PRKG1: variants seen among roughly 807,000 people sequenced by gnomAD.
The protein encoded by PRKG1 is protein kinase cGMP-dependent 1, also known as cGMP-dependent protein kinase 1.
Under a neutral mutation model 88.1 loss-of-function variants are expected in PRKG1, and 35 were observed. That is an observed-to-expected ratio of 0.40 (90% CI 0.30 to 0.53). The LOEUF (loss-of-function observed/expected upper bound fraction) is 0.53. PRKG1 is among the 20% of genes least tolerant of loss of function. PRKG1 has a pLI of 0.59. For missense variants in PRKG1, 540 were observed against 839.8 expected (o/e 0.64, Z 4.41); for synonymous variants, 303 against 292.5 (o/e 1.04, Z -0.37).
chr10:51,430,581 C>T (rs548577487), intron 2 of PRKG1, among the ~76,000 whole-genome samples: 1 of 152,312 alleles, frequency 6.6e-6, no homozygotes, highest in Admixed American at 6.5e-5. Context: ...CCTGACTATA[C>T]TGTCCAGCAA....
chr10:51,638,411 C>T (rs1406580349), intron 3 of PRKG1, among the ~76,000 whole-genome samples: 3 of 152,242 alleles, frequency 2.0e-5, no homozygotes, highest in East Asian at 3.9e-4. Context: ...AGAAACGTAA[C>T]TTAGCTGCTC....
At chr10:51,743,778 T>G (rs1406435801) in intron 3 of PRKG1, among the ~76,000 whole-genome samples, 2 of 135,708 alleles carry the variant, frequency 1.5e-5, no homozygotes, top group African/African-American at 5.5e-5. Flanking sequence ...AGTTGCCTAT[T>G]TGGTATTACA....
At chr10:51,144,698 G>A (rs1024829726) in intron 1 of PRKG1, among the ~76,000 whole-genome samples, 107 of 152,288 alleles carry the variant, frequency 7.0e-4, no homozygotes, top group Non-Finnish European at 1.3e-3. Context: ...GACTGTAAAT[G>A]TCTAATGTAT....
chr10:51,307,026 C>T (rs1197383386), intron 2 of PRKG1, among the ~76,000 whole-genome samples: 1 of 152,056 alleles, frequency 6.6e-6, no homozygotes, highest in African/African-American at 2.4e-5. Flanking sequence ...GACTGTTTCT[C>T]CTGGATTCTG....
chr10:51,677,593 C>T (rs969978468), intron 3 of PRKG1, among the ~76,000 whole-genome samples: 1 of 152,196 alleles, frequency 6.6e-6, no homozygotes, highest in Non-Finnish European at 1.5e-5. Context: ...TTAATAAATA[C>T]ACTCGCCAGT....
rs927158638 is a variant in PRKG1 at position 52,252,661 on chromosome 10, C to T, written c.1173+995C>T. 2.0e-5 allele frequency: 3 copies of T among 152,028 alleles called. No individual in the cohort carries two copies. The South Asian group carries it at 6.2e-4, about 32-fold the overall frequency. 9.4% of individuals were successfully genotyped at this position (152,028 alleles called of 1,614,324 possible). On this transcript the variant is annotated intron_variant, in intron 10 of 17. Coordinates refer to ENST00000373980, the MANE Select transcript of PRKG1 (RefSeq NM_006258.4). The stretch of plus-strand genomic sequence containing the variant: ...TTTGTATTGCAGTTGGAATTTCTGA[C>T]TTGAACAGGTAGAAAGATGTTATTT...
chr10:52,222,304 C>A (rs1840265244), intron 9 of PRKG1, among the ~76,000 whole-genome samples: 1 of 152,050 alleles, frequency 6.6e-6, no homozygotes, highest in South Asian at 2.1e-4. Flanking sequence ...GAATGGGGGT[C>A]CAGAGAGGGA....
rs1165503542 is a variant in PRKG1 at position 51,899,694 on chromosome 10, T to TATATATATATATATAC, written c.699-7812_699-7811insTATATATATATATACA. Among the ~76,000 whole-genome samples, 6 of 142,792 alleles carry TATATATATATATATAC rather than the reference T, an allele frequency of 4.2e-5. No homozygotes were observed. The South Asian group carries it at 6.9e-4, about 16-fold the overall frequency. The allele number at this position is 142,792 out of a possible 152,430, so 93.7% of individuals were successfully genotyped here. ...ATGTATATATATATATATATATATA[T>TATATATATATATATAC]ACAAATTTCTCAATATCTAACTATC... is the stretch of plus-strand genomic sequence containing the variant. On this transcript the variant is annotated intron_variant, in intron 4 of 17. Transcript: ENST00000373980.
intron 4 of PRKG1, among the ~76,000 whole-genome samples, chr10:51,811,877 C>A (rs895310424): frequency 6.6e-6 from 1 of 152,138 alleles, no homozygotes; most frequent in Admixed American, 6.5e-5. Flanking sequence ...TTTTTAAGTT[C>A]TCACCTGATG....
intron 3 of PRKG1, among the ~76,000 whole-genome samples, chr10:51,679,724 G>GTT (rs767932532): frequency 0.044 from 5,108 of 117,192 alleles, 195 homozygotes; most frequent in Middle Eastern, 0.082. Context: ...TTTTTTTAAT[G>GTT]TTTTTTTTTT....
intron 3 of PRKG1, among the ~76,000 whole-genome samples, chr10:51,768,731 G>C (rs1207287366): frequency 3.3e-5 from 5 of 152,142 alleles, no homozygotes; most frequent in African/African-American, 1.2e-4. Flanking sequence ...GGACATAAAA[G>C]ATGGTATGAG....
At chr10:51,189,141 C>T (rs1029351493) in intron 2 of PRKG1, among the ~76,000 whole-genome samples, 7 of 151,628 alleles carry the variant, frequency 4.6e-5, no homozygotes, top group Admixed American at 4.0e-4. Flanking sequence ...AGGAGCATGC[C>T]GAGATCCAGG....
intron 3 of PRKG1, among the ~76,000 whole-genome samples, chr10:51,719,226 A>G (rs1841957871): frequency 6.6e-6 from 1 of 152,118 alleles, no homozygotes; most frequent in East Asian, 1.9e-4. Context: ...GTGGAGCTTA[A>G]TTCCTTGCCC....
At chr10:51,577,688 A>G (rs925426845) in intron 3 of PRKG1, among the ~76,000 whole-genome samples, 1 of 152,076 alleles carries the variant, frequency 6.6e-6, no homozygotes, top group African/African-American at 2.4e-5. Context: ...ACACCATCCT[A>G]TAAACAAAAG....
chr10:51,136,812 G>C (rs1333260652), intron 1 of PRKG1, among the ~76,000 whole-genome samples: 1 of 152,066 alleles, frequency 6.6e-6, no homozygotes, highest in Admixed American at 6.6e-5. Context: ...TCATGATAAA[G>C]TGTGATGTCT....
chr10:51,930,913 T>C (rs1842680891), intron 5 of PRKG1, among the ~76,000 whole-genome samples: 1 of 152,200 alleles, frequency 6.6e-6, no homozygotes, highest in Admixed American at 6.6e-5. Context: ...AAGTTATTAA[T>C]ATGGTTTCAA....
intron 3 of PRKG1, among the ~76,000 whole-genome samples, chr10:51,576,459 G>A (rs1245590313): frequency 6.6e-6 from 1 of 151,894 alleles, no homozygotes; most frequent in Non-Finnish European, 1.5e-5. Flanking sequence ...GGGCCCTTTT[G>A]ATGAATATGT....
At chr10:51,138,343 A>G (rs1010212584) in intron 1 of PRKG1, among the ~76,000 whole-genome samples, 2 of 152,148 alleles carry the variant, frequency 1.3e-5, no homozygotes, top group African/African-American at 4.8e-5. Context: ...GCAATTCTAA[A>G]CTTAGGAAAT....
At chr10:52,128,034 C>A in intron 7 of PRKG1, 2 of 983,624 alleles carry the variant, frequency 2.0e-6, no homozygotes, top group Non-Finnish European at 2.4e-6. Context: ...CATTTCCTAT[C>A]AATTTTGATT....
Sources: allele counts gnomAD v4.1 joint callset (sites outside exome capture counted in the v4.1 genomes callset), GRCh38; gene constraint gnomAD v4.1.1; transcripts MANE v1.5; gene names NCBI Gene and HGNC (gene_info 2026-07-23, HGNC 2026-07-21).